The following TMEM196 variants were observed in gnomAD, a reference collection of about 807,000 sequenced individuals.
The protein encoded by TMEM196 is transmembrane protein 196.
TMEM196 carries 17 observed loss-of-function variants against 20.0 expected under a neutral mutation model. The ratio of observed to expected loss-of-function variants is 0.85; its 90% CI spans 0.58 to 1.27. The LOEUF (loss-of-function observed/expected upper bound fraction) is 1.27, where lower values mean the gene tolerates loss of function less well. Among genes scored for constraint, TMEM196 ranks in the 50% most tolerant of loss-of-function variants. The pLI, the probability that TMEM196 is intolerant of heterozygous loss-of-function variation, is 0.00. For synonymous variants in TMEM196, 113 were observed against 88.9 expected (o/e 1.27, Z -1.52); for missense variants, 267 against 223.0 (o/e 1.20, Z -1.26).
chr7:19,769,467 C>T (rs1583466149), intron 1 of TMEM196, among the ~76,000 whole-genome samples: 1 of 152,098 alleles, frequency 6.6e-6, no homozygotes, highest in South Asian at 2.1e-4. Context: ...AGAGCCTACT[C>T]TTCCTGGGCC....
intron 1 of TMEM196, among the ~76,000 whole-genome samples, chr7:19,759,404 A>G (rs1331227037): frequency 6.6e-6 from 1 of 152,140 alleles, no homozygotes; most frequent in Non-Finnish European, 1.5e-5. Flanking sequence ...TAAATATTAC[A>G]GTAACTAAAA....
In TMEM196 at chr7:19,772,707, T is replaced by C; in HGVS notation, c.-11A>G. The C allele has an allele frequency of 6.7e-7, 1 of 1,497,178 alleles. No individual in the cohort carries two copies. Among genetic ancestry groups the C allele is most frequent in the Non-Finnish European group, 9.0e-7 (1 of 1,114,428 alleles). The allele number at this position is 1,497,178 out of a possible 1,614,324, so 92.7% of individuals were successfully genotyped here. On this transcript the variant is annotated 5_prime_UTR_variant, in exon 1 of 5. Transcript: ENST00000405844. The stretch of plus-strand genomic sequence containing the variant: ...ACCGCTGGTGCACATCCTTCCTCGG[T>C]CATCTTCCTTCCAGATCAGAGAGGG...
At chr7:19,771,665 G>T (rs150293360) in intron 1 of TMEM196, among the ~76,000 whole-genome samples, 1 of 152,058 alleles carries the variant, frequency 6.6e-6, no homozygotes, top group African/African-American at 2.4e-5. Flanking sequence ...GAAAAAACTG[G>T]TTTTCACAAT....
intron 2 of TMEM196, among the ~76,000 whole-genome samples, chr7:19,726,308 G>A (rs1562605889): frequency 6.6e-6 from 1 of 151,914 alleles, no homozygotes; most frequent in Non-Finnish European, 1.5e-5. Flanking sequence ...GCTTCTCTTT[G>A]GATTGTCATT....
At chr7:19,769,987 A>C (rs765441785) in intron 1 of TMEM196, among the ~76,000 whole-genome samples, 2 of 152,178 alleles carry the variant, frequency 1.3e-5, no homozygotes. Context: ...AGATAAGGAA[A>C]CTTGGGCTAG....
intron 1 of TMEM196, among the ~76,000 whole-genome samples, chr7:19,729,644 G>T (rs1438632043): frequency 1.3e-5 from 2 of 152,186 alleles, no homozygotes; most frequent in Non-Finnish European, 2.9e-5. Context: ...TTGCTAGATT[G>T]TTAGAGGTAA....
At chr7:19,743,786 A>C (rs1243716698) in intron 1 of TMEM196, among the ~76,000 whole-genome samples, 1 of 152,174 alleles carries the variant, frequency 6.6e-6, no homozygotes, top group Admixed American at 6.6e-5. Context: ...TACCTGGTTC[A>C]ATTTGATTTG....
At chr7:19,769,919 C>A (rs1177520499) in intron 1 of TMEM196, among the ~76,000 whole-genome samples, 1 of 152,122 alleles carries the variant, frequency 6.6e-6, no homozygotes, top group Non-Finnish European at 1.5e-5. Flanking sequence ...AACCAATCCC[C>A]TATGAATAGG....
At chr7:19,733,564 G>A (rs1255661150) in intron 1 of TMEM196, among the ~76,000 whole-genome samples, 1 of 151,972 alleles carries the variant, frequency 6.6e-6, no homozygotes, top group Non-Finnish European at 1.5e-5. Flanking sequence ...AAAAGGCTTA[G>A]GCTTCTGGCA....
At chr7:19,739,042 A>G (rs760351132) in intron 1 of TMEM196, among the ~76,000 whole-genome samples, 10 of 152,176 alleles carry the variant, frequency 6.6e-5, no homozygotes, top group Non-Finnish European at 1.3e-4. Context: ...TTGATGGTAC[A>G]TATCCTTCAT....
At chr7:19,736,864 C>T (rs1784425846) in intron 1 of TMEM196, among the ~76,000 whole-genome samples, 1 of 152,006 alleles carries the variant, frequency 6.6e-6, no homozygotes, top group African/African-American at 2.4e-5. Flanking sequence ...CTGTATTTCA[C>T]TCAGTGCCTT....
At chr7:19,724,491 A>G (rs1244498970) in intron 3 of TMEM196, 138 bp from the exon 4 acceptor site, 2 of 722,600 alleles carry the variant, frequency 2.8e-6, no homozygotes, top group Non-Finnish European at 2.3e-6. Context: ...TTTAACAATC[A>G]TTTCTTTAAA....
intron 1 of TMEM196, among the ~76,000 whole-genome samples, chr7:19,736,853 C>A (rs373899851): frequency 6.6e-6 from 1 of 151,956 alleles, no homozygotes; most frequent in African/African-American, 2.4e-5. Context: ...ATTTTATCAT[C>A]CTGTATTTCA....
chr7:19,720,162 T>C lies in TMEM196; in HGVS notation c.*1966A>G, dbSNP rs944477747. 4 of 152,028 alleles carry C rather than the reference T, an allele frequency of 2.6e-5. No homozygotes were observed. The highest frequency in any genetic ancestry group is 5.9e-5 in the Non-Finnish European group (4 of 67,904). 9.4% of individuals were successfully genotyped at this position (152,028 alleles called of 1,614,324 possible). ...ATTGAATGAATAGTTATGATGTTGA[T>C]TCACTATATGAGGTTGCATTTATGG... On this transcript the variant is annotated 3_prime_UTR_variant, in exon 5 of 5. Coordinates refer to ENST00000405844, the MANE Select transcript of TMEM196 (RefSeq NM_001363562.2).
intron 1 of TMEM196, among the ~76,000 whole-genome samples, chr7:19,746,746 A>G (rs1784768349): frequency 6.6e-6 from 1 of 152,232 alleles, no homozygotes; most frequent in Non-Finnish European, 1.5e-5. Flanking sequence ...GCATCCACAT[A>G]CAAATTTTGT....
chr7:19,749,670 T>A (rs1334983743), intron 1 of TMEM196, among the ~76,000 whole-genome samples: 1 of 152,198 alleles, frequency 6.6e-6, no homozygotes, highest in Non-Finnish European at 1.5e-5. Context: ...AACAAGGCCT[T>A]TTGTAAGTTA....
At chr7:19,765,379 G>A (rs74914912) in intron 1 of TMEM196, among the ~76,000 whole-genome samples, 101 of 152,212 alleles carry the variant, frequency 6.6e-4, no homozygotes, top group Non-Finnish European at 1.2e-3. Flanking sequence ...ACCAGTTAAG[G>A]TTATAATAGT....
rs140878781 is a variant in TMEM196 at position 19,766,372 on chromosome 7, G to A, written c.147+6178C>T. Reference sequence around the variant, plus strand: ...TAATTATCAAGGCATTGTCCATTTCGCATGTTGGAACATCTATCTGCAGAG... The same window carrying A: ...TAATTATCAAGGCATTGTCCATTTCACATGTTGGAACATCTATCTGCAGAG... On this transcript the variant is annotated intron_variant, in intron 1 of 4. Coordinates refer to ENST00000405844, the MANE Select transcript of TMEM196 (RefSeq NM_001363562.2). 3.8e-3 allele frequency among the ~76,000 whole-genome samples: 579 copies of A among 151,824 alleles called. 7 individuals carry two copies. Among genetic ancestry groups the A allele is most frequent in the African/African-American group, 0.013 (554 of 41,426 alleles).
chr7:19,771,321 G>C (rs1785870265), intron 1 of TMEM196, among the ~76,000 whole-genome samples: 1 of 152,102 alleles, frequency 6.6e-6, no homozygotes, highest in East Asian at 1.9e-4. Flanking sequence ...TGAATTCAAT[G>C]TTAGGATTGA....
Sources: gnomAD v4.1 joint callset for allele counts (sites outside exome capture counted in the v4.1 genomes callset) on GRCh38, gnomAD v4.1.1 for gene constraint, MANE v1.5 for transcripts, NCBI Gene and HGNC (gene_info 2026-07-23, HGNC 2026-07-21) for gene names.